Variants in RPP38 observed in about 807,000 individuals in gnomAD.
RPP38 encodes the protein ribonuclease P/MRP subunit p38, also known as ribonuclease P protein subunit p38.
In RPP38, 2 loss-of-function variants were observed where a neutral mutation model predicts 1.7. That is an observed-to-expected ratio of 1.18 (90% CI 0.48 to 3.70). The LOEUF (loss-of-function observed/expected upper bound fraction) is 3.70. Ranked by LOEUF, RPP38 falls within the 30% of genes most tolerant of loss-of-function variation. RPP38 has a pLI of 0.07. For missense variants in RPP38, 358 were observed against 340.1 expected (o/e 1.05, Z -0.41); for synonymous variants, 151 against 131.8 (o/e 1.15, Z -1.00).
rs761362419 is a variant in RPP38 at position 15,104,096 on chromosome 10, TAAAG to T, written c.786_789del (p.Lys262AsnfsTer2). ...TCTGTAACATTACAACCCCTTAAAA[TAAAG>T]AAACTGATTCCAAACCCTAATAAGA... is the stretch of plus-strand genomic sequence containing the variant. On this transcript the variant is annotated frameshift_variant, in exon 3 of 3. Coordinates refer to ENST00000378197, the MANE Select transcript of RPP38 (RefSeq NM_183005.5). LOFTEE classifies it high-confidence loss of function. The T allele has an allele frequency of 5.6e-6, 9 of 1,603,944 alleles. No individual in the cohort carries two copies. The highest frequency in any genetic ancestry group is 4.5e-5 in the East Asian group (2 of 44,846).
intron 2 of RPP38, chr10:15,102,770 G>A (rs951547253): frequency 5.9e-5 from 9 of 152,356 alleles, no homozygotes; most frequent in African/African-American, 1.2e-4. Context: ...AAGAGCCTTC[G>A]TAGAGCATTC....
At chr10:15,099,674 TCAC>T (rs1199749479) in intron 1 of RPP38, among the ~76,000 whole-genome samples, 1 of 152,092 alleles carries the variant, frequency 6.6e-6, no homozygotes, top group Admixed American at 6.5e-5. Flanking sequence ...AGACTGGGTT[TCAC>T]CATATTTGCC....
rs1845186044 is a variant in RPP38 at position 15,103,485 on chromosome 10, T to G, written c.171T>G (p.Leu57=). ...TLEDRLKAIG[L]QKIEDKKKKN... is the part of the protein sequence containing the mutation. ...AGGACAGGCTTAAAGCTATTGGACT[T>G]CAGAAGATTGAAGATAAGAAGAAAA... Residue 57 remains leucine (L), a synonymous_variant, in exon 3 of 3, where the codon CTT becomes CTG. Transcript: ENST00000378197. 6.2e-7 allele frequency: 1 copy of G among 1,614,060 alleles called. No individual in the cohort carries two copies. Among genetic ancestry groups the G allele is most frequent in the Non-Finnish European group, 8.5e-7 (1 of 1,180,012 alleles).
At position 15,103,660 on chromosome 10, in the gene RPP38, G is replaced by A. The variant is rs753185172; in HGVS notation, c.346G>A (p.Gly116Ser). Residue 116 changes from glycine to serine, a missense_variant, in exon 3 of 3, where the codon GGC (glycine) becomes AGC (serine). Coordinates refer to ENST00000378197, the MANE Select transcript of RPP38 (RefSeq NM_183005.5). Reference protein sequence around the residue: ...PAHVRKQLAIGVNEVTRALER... With the variant: ...PAHVRKQLAISVNEVTRALER... ...ACACGTCAGGAAGCAGCTTGCCATT[G>A]GCGTTAACGAAGTTACCAGAGCCCT... The A allele has an allele frequency of 6.2e-7, 1 of 1,614,066 alleles. No individual in the cohort carries two copies. Among genetic ancestry groups the A allele is most frequent in the Non-Finnish European group, 8.5e-7 (1 of 1,180,028 alleles).
chr10:15,103,401 C>T lies in RPP38; in HGVS notation c.87C>T (p.Tyr29=), dbSNP rs1449909419. The T allele has an allele frequency of 3.1e-6, 5 of 1,614,204 alleles. No individual in the cohort carries two copies. Among genetic ancestry groups the T allele is most frequent in the Non-Finnish European group, 4.2e-6 (5 of 1,180,038 alleles). Residue 29 remains tyrosine, a synonymous_variant, in exon 3 of 3, where the codon TAC becomes TAT. Coordinates refer to ENST00000378197, the MANE Select transcript of RPP38 (RefSeq NM_183005.5). ...TGAAGACGTCGTTGAACAACCCATACATCATCCGCTGGAGCGCTCTGGAGA... is the reference window on the plus strand; with the variant it reads ...TGAAGACGTCGTTGAACAACCCATATATCATCCGCTGGAGCGCTCTGGAGA... ...LVVKTSLNNP[Y]IIRWSALESE... is the part of the protein sequence containing the mutation.
At chr10:15,099,347 A>T (rs2131418825) in intron 1 of RPP38, among the ~76,000 whole-genome samples, 1 of 152,206 alleles carries the variant, frequency 6.6e-6, no homozygotes, top group Non-Finnish European at 1.5e-5. Context: ...ATTAGAGTTT[A>T]GGCGGGGCAT....
At chr10:15,100,587 G>A (rs929317997) in intron 1 of RPP38, among the ~76,000 whole-genome samples, 3 of 151,976 alleles carry the variant, frequency 2.0e-5, no homozygotes, top group African/African-American at 4.8e-5. Flanking sequence ...GACCAATAGC[G>A]CTCAGGGGGC....
intron 1 of RPP38, among the ~76,000 whole-genome samples, chr10:15,098,610 C>T (rs549474994): frequency 1.3e-5 from 2 of 150,860 alleles, no homozygotes; most frequent in African/African-American, 2.4e-5. Flanking sequence ...AGGTCCGGCC[C>T]GGCGCGGTGG....
chr10:15,104,192 C>G lies in RPP38; in HGVS notation c.*26C>G. On this transcript the variant is annotated 3_prime_UTR_variant, in exon 3 of 3. Transcript: ENST00000378197. The stretch of plus-strand genomic sequence containing the variant: ...TCTTGCATAAACTTGTCATGTCATA[C>G]AGTTTGTGAAAGGACACCTTGTAAA... 6.5e-7 allele frequency: 1 copy of G among 1,540,302 alleles called. No individual in the cohort carries two copies. Among genetic ancestry groups the G allele is most frequent in the East Asian group, 2.3e-5 (1 of 44,258 alleles).
chr10:15,103,223 A>G (rs911801916), intron 2 of RPP38, 82 bp from the exon 3 acceptor site: 7 of 1,194,404 alleles, frequency 5.9e-6, no homozygotes, highest in Non-Finnish European at 8.2e-6. Context: ...AATAAGAATC[A>G]GAGAGTACAG....
intron 2 of RPP38, chr10:15,102,808 A>T (rs1845146967): frequency 6.6e-6 from 1 of 152,372 alleles, no homozygotes; most frequent in South Asian, 2.1e-4. Context: ...ATGGGGAAAA[A>T]TAAAATTACT....
At chr10:15,100,586 C>T (rs1364106758) in intron 1 of RPP38, among the ~76,000 whole-genome samples, 4 of 151,818 alleles carry the variant, frequency 2.6e-5, no homozygotes, top group South Asian at 2.1e-4. Context: ...AGACCAATAG[C>T]GCTCAGGGGG....
intron 1 of RPP38, among the ~76,000 whole-genome samples, chr10:15,100,727 C>T (rs2131423046): frequency 6.6e-6 from 1 of 151,450 alleles, no homozygotes; most frequent in East Asian, 1.9e-4. Flanking sequence ...GTCGCCCAGG[C>T]TAGAATGCAG....
At chr10:15,098,350 G>A (rs1213568264) in intron 1 of RPP38, among the ~76,000 whole-genome samples, 1 of 141,046 alleles carries the variant, frequency 7.1e-6, no homozygotes. Flanking sequence ...TCAGCCTCCC[G>A]AGTAGCTGGG....
rs187692853 is a variant in RPP38 at position 15,098,204 on chromosome 10, C to A, written c.-130+438C>A. Among the ~76,000 whole-genome samples the A allele has an allele frequency of 3.2e-4, 47 of 148,874 alleles. 1 individual carries two copies. Among genetic ancestry groups the A allele is most frequent in the African/African-American group, 1.1e-3 (45 of 39,752 alleles). On this transcript the variant is annotated intron_variant, in intron 1 of 2. Coordinates refer to ENST00000378197, the MANE Select transcript of RPP38 (RefSeq NM_183005.5). ...CTTTCTCTAGCATCTCTGCCCCAGC[C>A]ACATTGAACTTATTTGAACGTGTTT...
At position 15,101,243 on chromosome 10, in the gene RPP38, T is replaced by C. The variant is rs1193950245; in HGVS notation, c.-129-975T>C. Among the ~76,000 whole-genome samples, 46 of 152,242 alleles carry C rather than the reference T, an allele frequency of 3.0e-4. 1 individual carries two copies. The highest frequency in any genetic ancestry group is 2.9e-3 in the Admixed American group (45 of 15,274). On this transcript the variant is annotated intron_variant, in intron 1 of 2. Coordinates refer to ENST00000378197, the MANE Select transcript of RPP38 (RefSeq NM_183005.5). The stretch of plus-strand genomic sequence containing the variant: ...CAAATAATACATGGAGAGAGTGCTT[T>C]ATACAGCGATACACTGCACAGACAC...
Position 15,104,199 on chromosome 10 carries a change from TG to T in RPP38, c.*34del, listed in dbSNP as rs756018603. 8 of 1,533,740 alleles carry T rather than the reference TG, an allele frequency of 5.2e-6. No homozygotes were observed. The East Asian group carries it at 1.8e-4, about 35-fold the overall frequency. On this transcript the variant is annotated 3_prime_UTR_variant, in exon 3 of 3. Transcript: ENST00000378197. ...TAAACTTGTCATGTCATACAGTTTG[TG>T]AAAGGACACCTTGTAAAGAAGCCTT...
chr10:15,098,565 T>C (rs1414328364), intron 1 of RPP38, among the ~76,000 whole-genome samples: 1 of 151,074 alleles, frequency 6.6e-6, no homozygotes, highest in East Asian at 2.0e-4. Context: ...TACTCCATAC[T>C]TCCTTTGGTA....
chr10:15,099,583 C>G (rs925288539), intron 1 of RPP38, among the ~76,000 whole-genome samples: 1 of 151,642 alleles, frequency 6.6e-6, no homozygotes, highest in African/African-American at 2.4e-5. Flanking sequence ...CAAGCAATTC[C>G]CCTACCTCAG....
Sources: allele counts gnomAD v4.1 joint callset (sites outside exome capture counted in the v4.1 genomes callset), GRCh38; gene constraint gnomAD v4.1.1; transcripts MANE v1.5; gene names NCBI Gene and HGNC (gene_info 2026-07-23, HGNC 2026-07-21).